MPDZ: variants seen among roughly 807,000 people sequenced by gnomAD.
MPDZ encodes multiple PDZ domain protein.
In MPDZ, 234 loss-of-function variants were observed where a neutral mutation model predicts 239.1. The observed-to-expected ratio is 0.98, with a 90% CI of 0.88 to 1.09. The LOEUF (loss-of-function observed/expected upper bound fraction) is 1.09. MPDZ is among the 50% of genes least tolerant of loss of function. The probability of loss-of-function intolerance (pLI) is 0.00; values close to 1 mark genes in which losing one functional copy is unlikely to be tolerated. For synonymous variants in MPDZ, 1,048 were observed against 881.3 expected (o/e 1.19, Z -3.35); for missense variants, 3,175 against 2,510.0 (o/e 1.26, Z -5.66).
At position 13,192,229 on chromosome 9, in the gene MPDZ, T is replaced by C. The variant is rs200291745; in HGVS notation, c.1870A>G (p.Ile624Val). 45 of 1,608,366 alleles carry C rather than the reference T, an allele frequency of 2.8e-5. No homozygotes were observed. The highest frequency in any genetic ancestry group is 6.7e-5 in the South Asian group (6 of 90,066). ...CGACAGCACACCATTGTCACTTCTA[T>C]AGGCAGTTCTTTTAAGATATTCACC... ...DVVNILKELP[I>V]EVTMVCCRRT... The change falls in exon 15 of 47, where the codon ATA becomes GTA. Residue 624 changes from isoleucine to valine, a missense_variant. Physicochemically the swap from Ile to Val is conservative, Grantham distance 29. Transcript: ENST00000319217.
intron 10 of MPDZ, among the ~76,000 whole-genome samples, chr9:13,216,139 G>A (rs1388796879): frequency 6.6e-6 from 1 of 151,224 alleles, no homozygotes; most frequent in Non-Finnish European, 1.5e-5. Flanking sequence ...AGGGTCTCTT[G>A]AATTTCTGTT....
intron 46 of MPDZ, among the ~76,000 whole-genome samples, chr9:13,108,102 C>G (rs1176807679): frequency 6.6e-6 from 1 of 152,060 alleles, no homozygotes; most frequent in African/African-American, 2.4e-5. Context: ...CCATAAAGAA[C>G]TATACCACTA....
At chr9:13,264,073 T>C (rs949317990) in intron 1 of MPDZ, among the ~76,000 whole-genome samples, 2 of 152,064 alleles carry the variant, frequency 1.3e-5, no homozygotes, top group Non-Finnish European at 2.9e-5. Context: ...ATGGAGGGAG[T>C]GAAGCCTACT....
intron 4 of MPDZ, among the ~76,000 whole-genome samples, 192 bp from the exon 5 acceptor site, chr9:13,223,902 C>T (rs1959656660): frequency 6.6e-6 from 1 of 151,788 alleles, no homozygotes; most frequent in Admixed American, 6.6e-5. Context: ...AGTGTGGTGG[C>T]ACACATCTAT....
rs111661555 is a variant in MPDZ at position 13,180,941 on chromosome 9, G to A, written c.2649+2477C>T. Among the ~76,000 whole-genome samples the A allele has an allele frequency of 4.7e-3, 714 of 152,284 alleles. 3 individuals are homozygous for A. Among genetic ancestry groups the A allele is most frequent in the African/African-American group, 0.016 (661 of 41,572 alleles). On this transcript the variant is annotated intron_variant, in intron 19 of 46. Transcript: ENST00000319217. Reference sequence around the variant, plus strand: ...GGAAGAGCCCCAACATATGGCTACAGCCCTTTGGTGTTTAGGCTGCCCTGA... The same window carrying A: ...GGAAGAGCCCCAACATATGGCTACAACCCTTTGGTGTTTAGGCTGCCCTGA...
chr9:13,143,441 A>G (rs1229369918), intron 27 of MPDZ, 25 bp downstream of exon 27: 2 of 1,561,870 alleles, frequency 1.3e-6, no homozygotes, highest in Non-Finnish European at 1.8e-6. Flanking sequence ...GGCAACCAAC[A>G]GCAAGACAAT....
chr9:13,132,958 G>A (rs990661011), intron 32 of MPDZ, among the ~76,000 whole-genome samples: 1 of 151,998 alleles, frequency 6.6e-6, no homozygotes, highest in African/African-American at 2.4e-5. Context: ...AATATACTAA[G>A]CCTTAGATGA....
intron 30 of MPDZ, 94 bp downstream of exon 30, chr9:13,136,618 G>C (rs1946857913): frequency 1.2e-6 from 1 of 860,014 alleles, no homozygotes; most frequent in African/African-American, 1.7e-5. Context: ...GAGCCAGCAT[G>C]CCCGGCTACA....
chr9:13,181,549 C>T (rs1419886940), intron 19 of MPDZ, among the ~76,000 whole-genome samples: 3 of 152,018 alleles, frequency 2.0e-5, no homozygotes, highest in Non-Finnish European at 2.9e-5. Flanking sequence ...TTAAAACACC[C>T]TCATTAATGT....
chr9:13,272,120 TGTA>T (rs1041167379), intron 1 of MPDZ, among the ~76,000 whole-genome samples: 2 of 152,182 alleles, frequency 1.3e-5, no homozygotes, highest in African/African-American at 4.8e-5. Context: ...TCTCAATATG[TGTA>T]GTTTATTGTC....
intron 3 of MPDZ, among the ~76,000 whole-genome samples, chr9:13,239,989 A>G (rs1366005979): frequency 1.3e-5 from 2 of 152,136 alleles, no homozygotes; most frequent in Non-Finnish European, 1.5e-5. Flanking sequence ...AGCAAAAATT[A>G]TATTCTTATC....
At chr9:13,234,280 T>A (rs1001901440) in intron 3 of MPDZ, among the ~76,000 whole-genome samples, 1 of 152,098 alleles carries the variant, frequency 6.6e-6, no homozygotes, top group Admixed American at 6.6e-5. Flanking sequence ...AATACATATA[T>A]TCATTTAACT....
chr9:13,198,912 TTTCTC>T (rs1244299322), intron 12 of MPDZ, among the ~76,000 whole-genome samples: 3 of 151,958 alleles, frequency 2.0e-5, no homozygotes, highest in Non-Finnish European at 4.4e-5. Context: ...TTAGGGTTGT[TTTCTC>T]TATTTGTGTG....
rs1563876019 is a variant in MPDZ at position 13,136,190 on chromosome 9, CA to C, written c.4293-9del. On this transcript the variant is annotated splice_polypyrimidine_tract_variant and intron_variant, in intron 30 of 46. Coordinates refer to ENST00000319217, the MANE Select transcript of MPDZ (RefSeq NM_001378778.1). ...TTCACTGCATCTTTATTTCTAAAAG[CA>C]AAAAAACAACAACCTATTATAACAT... The C allele has an allele frequency of 4.4e-6, 7 of 1,580,176 alleles. No individual in the cohort carries two copies. Among genetic ancestry groups the C allele is most frequent in the Non-Finnish European group, 6.1e-6 (7 of 1,153,434 alleles).
intron 3 of MPDZ, 145 bp downstream of exon 3, chr9:13,247,490 G>A (rs1053782585): frequency 1.2e-5 from 10 of 804,486 alleles, no homozygotes; most frequent in Non-Finnish European, 1.8e-5. Context: ...AAGCCACAGT[G>A]AATCTGAATG....
At chr9:13,155,908 CT>C (rs1283514512) in intron 24 of MPDZ, among the ~76,000 whole-genome samples, 2 of 152,108 alleles carry the variant, frequency 1.3e-5, no homozygotes, top group Admixed American at 1.3e-4. Context: ...TTTATGGAAT[CT>C]TTGGAGGTAT....
At chr9:13,118,064 G>A (rs377166785) in intron 39 of MPDZ, among the ~76,000 whole-genome samples, 1 of 151,860 alleles carries the variant, frequency 6.6e-6, no homozygotes, top group African/African-American at 2.4e-5. Flanking sequence ...AGCTGGTCTC[G>A]AACTCCCGAC....
intron 1 of MPDZ, among the ~76,000 whole-genome samples, chr9:13,252,490 A>C (rs1157997026): frequency 6.7e-6 from 1 of 148,594 alleles, no homozygotes; most frequent in Non-Finnish European, 1.5e-5. Context: ...CACTTGAACC[A>C]GGGAGGCGGA....
At chr9:13,146,592 T>TA (rs1948464520) in intron 26 of MPDZ, among the ~76,000 whole-genome samples, 1 of 152,008 alleles carries the variant, frequency 6.6e-6, no homozygotes, top group Admixed American at 6.6e-5. Context: ...AGAGAATCAC[T>TA]ATGATGGGGG....
Sources: gnomAD v4.1 joint callset for allele counts (sites outside exome capture counted in the v4.1 genomes callset) on GRCh38, gnomAD v4.1.1 for gene constraint, MANE v1.5 for transcripts, NCBI Gene and HGNC (gene_info 2026-07-23, HGNC 2026-07-21) for gene names.